The following ZNF540 variants were observed in gnomAD, a reference collection of about 807,000 sequenced individuals.
ZNF540 encodes zinc finger protein 540, also known as CTD-3064H18.6.
Under a neutral mutation model 11.8 loss-of-function variants are expected in ZNF540, and 3 were observed. The ratio of observed to expected loss-of-function variants is 0.25; its 90% CI spans 0.12 to 0.65. The LOEUF (loss-of-function observed/expected upper bound fraction) is 0.65, where lower values mean the gene tolerates loss of function less well. ZNF540 is among the 30% of genes least tolerant of loss of function. The pLI, the probability that ZNF540 is intolerant of heterozygous loss-of-function variation, is 0.83. For synonymous variants in ZNF540, 247 were observed against 259.0 expected (o/e 0.95, Z 0.45); for missense variants, 709 against 793.1 (o/e 0.89, Z 1.27).
At chr19:37,593,206 G>A (rs1369522865), upstream of ZNF540, among the ~76,000 whole-genome samples, 1 of 151,630 alleles carries the variant, frequency 6.6e-6, no homozygotes, top group Non-Finnish European at 1.5e-5. Flanking sequence ...GCTTATAAGA[G>A]GATAAAATAC....
At chr19:37,582,399 G>A (rs991636360) in intron 1 of ZNF540, among the ~76,000 whole-genome samples, 3 of 152,094 alleles carry the variant, frequency 2.0e-5, no homozygotes, top group Non-Finnish European at 4.4e-5. Flanking sequence ...CCTCTTCCTA[G>A]GTCACAGGTT....
In ZNF540 at chr19:37,589,372, C is replaced by T. The variant is rs76931097; in HGVS notation, c.-72-9004C>T. Reference sequence around the variant, plus strand: ...AAATGACAAAATGGGAGAAAATATGCGCAACTTAAATAAAAAACAGAGTCC... The same window carrying T: ...AAATGACAAAATGGGAGAAAATATGTGCAACTTAAATAAAAAACAGAGTCC... On this transcript the variant is annotated intron_variant, in intron 1 of 4. Coordinates refer to the ZNF540 transcript ENST00000592533. Among the ~76,000 whole-genome samples, 1,487 of 151,198 alleles carry T rather than the reference C, an allele frequency of 9.8e-3. 24 individuals carry two copies. The highest frequency in any genetic ancestry group is 0.035 in the African/African-American group (1,419 of 41,104).
intron 1 of ZNF540, chr19:37,586,759 AG>A: frequency 7.5e-6 from 11 of 1,473,922 alleles, no homozygotes; most frequent in South Asian, 3.5e-5. Context: ...GACAAGGAAA[AG>A]AAGCCACAAG....
chr19:37,601,055 G>A lies in ZNF540; in HGVS notation c.182G>A (p.Gly61Glu). ...KPDVITLLEQ[G>E]KEPCVVARDV... ...GATGTGATTACCTTACTGGAGCAAG[G>A]GAAAGAGCCCTGCGTGGTGGCGAGG... The change falls in exon 4 of 5, where the codon GGG becomes GAG. Residue 61 changes from glycine (G) to glutamate (E), a missense_variant. Gly to Glu is a moderately conservative substitution (Grantham distance 98). Transcript: ENST00000316433. 1 of 1,592,972 alleles carries A rather than the reference G, an allele frequency of 6.3e-7. No individual in the cohort carries two copies. Among genetic ancestry groups the A allele is most frequent in the Non-Finnish European group, 8.5e-7 (1 of 1,169,754 alleles).
chr19:37,603,249 C>T (rs1230714886), intron 4 of ZNF540, among the ~76,000 whole-genome samples: 1 of 152,122 alleles, frequency 6.6e-6, no homozygotes, highest in Non-Finnish European at 1.5e-5. Context: ...TCAGATGATC[C>T]ACCCATCTTG....
At chr19:37,561,913 G>A (rs920544210) in intron 1 of ZNF540, among the ~76,000 whole-genome samples, 6 of 152,212 alleles carry the variant, frequency 3.9e-5, no homozygotes, top group African/African-American at 1.4e-4. Flanking sequence ...ATGCATGAGT[G>A]TTGTGGCATC....
At position 37,612,452 on chromosome 19, in the gene ZNF540, C is replaced by A; in HGVS notation, c.1172C>A (p.Ser391Ter). 6.2e-7 allele frequency: 1 copy of A among 1,614,064 alleles called. No individual in the cohort carries two copies. The highest frequency in any genetic ancestry group is 1.1e-5 in the South Asian group (1 of 91,068). The change falls in exon 5 of 5, where the codon TCA becomes TAA. Residue 391 changes from serine to a stop codon, truncating the protein, a stop_gained. Transcript: ENST00000316433. LOFTEE classifies it low-confidence loss of function (END_TRUNC). ...TATGAATGTAAGGAGTGTGGGAAAT[C>A]ATTTAATGTGCGTGGACAGCTTAAT... The part of the protein sequence containing the change: ...KPYECKECGK[S>*]FNVRGQLNRH...
At chr19:37,582,303 C>T (rs773369411) in intron 1 of ZNF540, among the ~76,000 whole-genome samples, 12 of 152,194 alleles carry the variant, frequency 7.9e-5, no homozygotes, top group Non-Finnish European at 1.5e-4. Context: ...CAATTTTCAG[C>T]GTTCCTCTTA....
At chr19:37,564,316 T>C (rs2042771575) in intron 1 of ZNF540, 1 of 268,288 alleles carries the variant, frequency 3.7e-6, no homozygotes, top group Non-Finnish European at 6.9e-6. Context: ...AATTACAGTA[T>C]TTTACAAATA....
intron 4 of ZNF540, among the ~76,000 whole-genome samples, chr19:37,602,062 T>C (rs1197604935): frequency 6.6e-6 from 1 of 152,198 alleles, no homozygotes; most frequent in Non-Finnish European, 1.5e-5. Flanking sequence ...TTCAGAAGTC[T>C]AGATTAGCAG....
At chr19:37,599,178 CGATAGATA>C (rs10550158) in intron 2 of ZNF540, among the ~76,000 whole-genome samples, 295 of 151,204 alleles carry the variant, frequency 2.0e-3, no homozygotes, top group Middle Eastern at 6.9e-3. Flanking sequence ...ATCGATTGAT[CGATAGATA>C]GATAGATAGA....
At chr19:37,555,992 G>T (rs376987720) in intron 1 of ZNF540, 1 of 701,588 alleles carries the variant, frequency 1.4e-6, no homozygotes, top group Admixed American at 2.0e-5. Flanking sequence ...TAGTGTCAGG[G>T]TGATTCCCAG....
intron 1 of ZNF540, among the ~76,000 whole-genome samples, chr19:37,557,778 A>T (rs1487934108): frequency 3.3e-5 from 5 of 152,208 alleles, no homozygotes; most frequent in African/African-American, 9.6e-5. Context: ...TTTGACATCC[A>T]TTCGCCAGAA....
chr19:37,597,972 C>T (rs1164434767), intron 1 of ZNF540, among the ~76,000 whole-genome samples: 1 of 152,208 alleles, frequency 6.6e-6, no homozygotes, highest in Non-Finnish European at 1.5e-5. Flanking sequence ...GTTTTTAAGT[C>T]TGGGGAGGCC....
intron 2 of ZNF540, among the ~76,000 whole-genome samples, chr19:37,599,171 G>C (rs934184084): frequency 7.1e-6 from 1 of 141,656 alleles, no homozygotes; most frequent in Non-Finnish European, 1.6e-5. Flanking sequence ...TTGATCAATC[G>C]ATTGATCGAT....
intron 1 of ZNF540, among the ~76,000 whole-genome samples, chr19:37,588,625 G>T (rs1211527667): frequency 2.0e-5 from 3 of 152,130 alleles, no homozygotes; most frequent in Admixed American, 6.5e-5. Context: ...CACTACCTGG[G>T]TGACTGGATC....
chr19:37,607,293 AGTT>A (rs78107128), intron 4 of ZNF540, among the ~76,000 whole-genome samples: 4,705 of 152,306 alleles, frequency 0.031, 114 homozygotes, highest in East Asian at 0.09. Context: ...CATTTGTTAC[AGTT>A]GATAAACCTA....
intron 4 of ZNF540, among the ~76,000 whole-genome samples, chr19:37,604,496 A>G (rs1261283344): frequency 1.3e-5 from 2 of 151,496 alleles, no homozygotes; most frequent in Non-Finnish European, 2.9e-5. Context: ...TTTAGCAGAG[A>G]TGGGGTTTCA....
At chr19:37,601,153 C>A in intron 4 of ZNF540, 48 bp downstream of exon 4, 1 of 1,487,130 alleles carries the variant, frequency 6.7e-7, no homozygotes, top group South Asian at 1.2e-5. Flanking sequence ...TTGCCAGTCA[C>A]GGCCAGCTGG....
Sources: allele counts gnomAD v4.1 joint callset (sites outside exome capture counted in the v4.1 genomes callset), GRCh38; gene constraint gnomAD v4.1.1; transcripts MANE v1.5; gene names NCBI Gene and HGNC (gene_info 2026-07-23, HGNC 2026-07-21).